The following HPN variants were observed in gnomAD, a reference collection of about 807,000 sequenced individuals.
HPN encodes the protein hepsin.
In HPN, 13 loss-of-function variants were observed where a neutral mutation model predicts 55.9. That is an observed-to-expected ratio of 0.23 (90% confidence interval 0.15 to 0.37). HPN has a LOEUF of 0.37. Among genes scored for constraint, HPN ranks in the 10% least tolerant of loss-of-function variants. The pLI is 1.00. For missense variants in HPN, 451 were observed against 575.8 expected (o/e 0.78, Z 2.22); for synonymous variants, 225 against 240.3 (o/e 0.94, Z 0.59).
At chr19:35,065,508 G>T (rs1478791667) in intron 10 of HPN, 31 bp from the exon 11 acceptor site, 1 of 1,611,736 alleles carries the variant, frequency 6.2e-7, no homozygotes. Context: ...ACACCCCCCA[G>T]CTCTGGCCAG....
intron 4 of HPN, among the ~76,000 whole-genome samples, chr19:35,053,248 A>G (rs2064422227): frequency 6.6e-6 from 1 of 152,068 alleles, no homozygotes; most frequent in Non-Finnish European, 1.5e-5. Context: ...ACACACATCT[A>G]TAAAGTGATT....
chr19:35,046,960 C>T (rs906517914), intron 2 of HPN, among the ~76,000 whole-genome samples: 1 of 152,176 alleles, frequency 6.6e-6, no homozygotes, highest in Non-Finnish European at 1.5e-5. Flanking sequence ...TCCCGAGTAG[C>T]TGGGATTACA....
chr19:35,066,258 G>A lies in HPN; in HGVS notation c.1225G>A (p.Glu409Lys). 6 of 1,613,698 alleles carry A rather than the reference G, an allele frequency of 3.7e-6. No homozygotes were observed. The highest frequency in any genetic ancestry group is 1.3e-5 in the African/African-American group (1 of 75,030). Residue 409 changes from glutamate (E) to lysine (K), a missense_variant, in exon 13 of 13, where the codon GAA (glutamate) becomes AAA (lysine). Physicochemically the swap from Glu to Lys is moderately conservative, Grantham distance 56 (BLOSUM62 1). Coordinates refer to ENST00000672452, the MANE Select transcript of HPN (RefSeq NM_001384133.1). ...AGCTGTCTTTCCCCAGACTCACTCCGAAGCCAGCGGCATGGTGACCCAGCT... is the reference window on the plus strand; with the variant it reads ...AGCTGTCTTTCCCCAGACTCACTCCAAAGCCAGCGGCATGGTGACCCAGCT... The part of the protein sequence containing the change: ...WIFQAIKTHS[E>K]ASGMVTQL
At chr19:35,059,329 A>C (rs1194778464) in intron 4 of HPN, 7 of 408,296 alleles carry the variant, frequency 1.7e-5, no homozygotes, top group Non-Finnish European at 3.2e-5. Flanking sequence ...AACAAACAAA[A>C]AAATTAGTCA....
intron 4 of HPN, among the ~76,000 whole-genome samples, chr19:35,051,734 C>G (rs546947857): frequency 6.6e-6 from 1 of 151,762 alleles, no homozygotes; most frequent in East Asian, 1.9e-4. Context: ...TAAAGACTGA[C>G]ATATGCCAGG....
At position 35,059,840 on chromosome 19, in the gene HPN, G is replaced by C. The variant is rs2064505808; in HGVS notation, c.291-34G>C. The C allele has an allele frequency of 3.3e-6, 5 of 1,524,554 alleles. No individual in the cohort carries two copies. In the South Asian group the frequency reaches 5.2e-5, roughly 16 times the overall value. The allele number at this position is 1,524,554 out of a possible 1,614,324, so 94.4% of individuals were successfully genotyped here. ...CTCGGAGGGGTGGGAGCCGGGAGGG[G>C]CTGGGGAGCAGGCCTAACCCCTGCC... is the stretch of plus-strand genomic sequence containing the variant. On this transcript the variant is annotated intron_variant, in intron 5 of 12. Coordinates refer to ENST00000672452, the MANE Select transcript of HPN (RefSeq NM_001384133.1).
At chr19:35,050,577 A>C (rs2064393670) in intron 4 of HPN, 12 of 1,225,102 alleles carry the variant, frequency 9.8e-6, no homozygotes, top group Non-Finnish European at 8.5e-6. Flanking sequence ...ATAGATAAAG[A>C]AACTAACTGT....
chr19:35,057,630 T>C lies in HPN; in HGVS notation c.161-2043T>C, dbSNP rs561049585. ...TGGACAAATAATTCAAAATTTCCATTAGACAGGAAAAATAAGTTCAAGAGA... is the reference window on the plus strand; with the variant it reads ...TGGACAAATAATTCAAAATTTCCATCAGACAGGAAAAATAAGTTCAAGAGA... On this transcript the variant is annotated intron_variant, in intron 4 of 12. Coordinates refer to ENST00000672452, the MANE Select transcript of HPN (RefSeq NM_001384133.1). Among the ~76,000 whole-genome samples the C allele has an allele frequency of 9.1e-4, 138 of 152,222 alleles. 1 individual carries two copies. The highest frequency in any genetic ancestry group is 1.7e-3 in the Non-Finnish European group (115 of 68,010).
intron 2 of HPN, among the ~76,000 whole-genome samples, chr19:35,045,162 G>A (rs563045109): frequency 1.3e-5 from 2 of 152,234 alleles, no homozygotes; most frequent in African/African-American, 2.4e-5. Context: ...ACCTGGAAGA[G>A]GGTCTAGGGC....
chr19:35,050,914 C>CTTTCT (rs1216999140), intron 4 of HPN, among the ~76,000 whole-genome samples: 4 of 90,438 alleles, frequency 4.4e-5, no homozygotes, highest in Non-Finnish European at 6.0e-5. Context: ...TTCTTTCTTT[C>CTTTCT]TTTTTTTTTT....
rs182763141 is a variant in HPN at position 35,065,621 on chromosome 19, C to T, written c.990C>T (p.Asn330=). Residue 330 remains asparagine (N), a synonymous_variant, in exon 11 of 13, where the codon AAC becomes AAT. Coordinates refer to ENST00000672452, the MANE Select transcript of HPN (RefSeq NM_001384133.1). Reference sequence around the variant, plus strand: ...GCAATGGCGCTGACTTCTATGGAAACCAGATCAAGCCCAAGATGTTCTGTG... The same window carrying T: ...GCAATGGCGCTGACTTCTATGGAAATCAGATCAAGCCCAAGATGTTCTGTG... ...DVCNGADFYG[N]QIKPKMFCAG... is the part of the protein sequence containing the mutation. 4.4e-4 allele frequency: 713 copies of T among 1,614,176 alleles called. No individual in the cohort carries two copies. Among genetic ancestry groups the T allele is most frequent in the Admixed American group, 7.7e-4 (46 of 60,024 alleles).
Position 35,066,275 on chromosome 19 carries a change from G to A in HPN, c.1242G>A (p.Val414=). ...CTCACTCCGAAGCCAGCGGCATGGT[G>A]ACCCAGCTCTGACCGGTGGCTTCTC... ...IKTHSEASGM[V]TQL is the part of the protein sequence containing the mutation. Residue 414 remains valine, a synonymous_variant, in exon 13 of 13, where the codon GTG becomes GTA. Coordinates refer to ENST00000672452, the MANE Select transcript of HPN (RefSeq NM_001384133.1). 6.2e-7 allele frequency: 1 copy of A among 1,613,278 alleles called. No homozygotes were observed. Among genetic ancestry groups the A allele is most frequent in the East Asian group, 2.2e-5 (1 of 44,852 alleles).
At chr19:35,053,246 C>T (rs958036861) in intron 4 of HPN, among the ~76,000 whole-genome samples, 1 of 152,072 alleles carries the variant, frequency 6.6e-6, no homozygotes, top group African/African-American at 2.4e-5. Context: ...CAACACACAT[C>T]TATAAAGTGA....
chr19:35,052,909 C>T (rs34807860), intron 4 of HPN, among the ~76,000 whole-genome samples: 1 of 152,088 alleles, frequency 6.6e-6, no homozygotes, highest in African/African-American at 2.4e-5. Flanking sequence ...ACCACTCACA[C>T]CCGGCTCTGG....
intron 2 of HPN, among the ~76,000 whole-genome samples, chr19:35,046,570 C>T (rs552933628): frequency 6.6e-6 from 1 of 152,226 alleles, no homozygotes; most frequent in South Asian, 2.1e-4. Flanking sequence ...TTAAGACACC[C>T]AGATAATGGC....
rs1339336391 is a variant in HPN at position 35,066,329 on chromosome 19, T to A, written c.*42T>A. On this transcript the variant is annotated 3_prime_UTR_variant, in exon 13 of 13. Coordinates refer to ENST00000672452, the MANE Select transcript of HPN (RefSeq NM_001384133.1). The stretch of plus-strand genomic sequence containing the variant: ...GCGCAGCCTCCAGGGCCCGAGGTGA[T>A]CCCGGTGGTGGGATCCACGCTGGGC... 1 of 1,592,306 alleles carries A rather than the reference T, an allele frequency of 6.3e-7. No homozygotes were observed. Among genetic ancestry groups the A allele is most frequent in the South Asian group, 1.1e-5 (1 of 88,352 alleles).
At position 35,060,720 on chromosome 19, in the gene HPN, C is replaced by T. The variant is rs12981585; in HGVS notation, c.714C>T (p.Val238=). ...HGLQLGVQAV[V]YHGGYLPFRD... ...TGCAGCTGGGGGTGCAGGCTGTGGT[C>T]TACCACGGGGGCTATCTTCCCTTTC... Residue 238 remains valine, a synonymous_variant, in exon 9 of 13, where the codon GTC becomes GTT. Coordinates refer to ENST00000672452, the MANE Select transcript of HPN (RefSeq NM_001384133.1). 5,192 of 1,614,170 alleles carry T rather than the reference C, an allele frequency of 3.2e-3. 17 individuals are homozygous for T. The highest frequency in any genetic ancestry group is 7.1e-3 in the Admixed American group (424 of 60,010).
intron 4 of HPN, among the ~76,000 whole-genome samples, chr19:35,058,185 C>T (rs2064477327): frequency 6.6e-6 from 1 of 151,040 alleles, no homozygotes; most frequent in Non-Finnish European, 1.5e-5. Flanking sequence ...AAAATAAATA[C>T]ATATATATTT....
intron 4 of HPN, among the ~76,000 whole-genome samples, chr19:35,050,268 G>A (rs1020506314): frequency 1.3e-4 from 20 of 152,258 alleles, no homozygotes; most frequent in African/African-American, 2.2e-4. Context: ...GAATACAGGC[G>A]TGTGCCACCA....
Sources: allele counts gnomAD v4.1 joint callset (sites outside exome capture counted in the v4.1 genomes callset), GRCh38; gene constraint gnomAD v4.1.1; transcripts MANE v1.5; gene names NCBI Gene and HGNC (gene_info 2026-07-23, HGNC 2026-07-21).